STOX2: variants seen among roughly 807,000 people sequenced by gnomAD.
The protein encoded by STOX2 is storkhead box 2.
A neutral mutation model predicts 60.9 loss-of-function variants in STOX2; 28 were observed. The observed-to-expected ratio is 0.46, with a 90% CI of 0.34 to 0.63. The LOEUF (loss-of-function observed/expected upper bound fraction) is 0.63, where lower values mean the gene tolerates loss of function less well. STOX2 is among the 30% of genes least tolerant of loss of function. The pLI is 0.01. For synonymous variants in STOX2, 472 were observed against 463.9 expected, an observed-to-expected ratio of 1.02 and a Z score of -0.22; for missense variants, 1,024 against 1,187.7, an observed-to-expected ratio of 0.86 and a Z score of 2.03.
intron 1 of STOX2, among the ~76,000 whole-genome samples, chr4:184,000,587 C>G (rs889930709): frequency 6.6e-6 from 1 of 152,166 alleles, no homozygotes; most frequent in African/African-American, 2.4e-5. Context: ...TGTCCCCCTT[C>G]GCTTCTGTGC....
chr4:183,903,093 G>A (rs987261534), upstream of STOX2, among the ~76,000 whole-genome samples: 2 of 152,164 alleles, frequency 1.3e-5, no homozygotes, highest in African/African-American at 4.8e-5. Flanking sequence ...CTCTTCTTCT[G>A]TAAAGAAATT....
At position 183,803,415 on chromosome 4, in the gene STOX2, G is replaced by T. The variant is rs115960874; in HGVS notation, c.364+5360G>T. On this transcript the variant is annotated intron_variant, in intron 1 of 2. Transcript: ENST00000513034. ...AAAAATGTACACTCCACAGACATTTGTATACTCAAAAGAAGTTACAGTTCA... is the reference window on the plus strand; with the variant it reads ...AAAAATGTACACTCCACAGACATTTTTATACTCAAAAGAAGTTACAGTTCA... Among the ~76,000 whole-genome samples the T allele has an allele frequency of 4.7e-3, 719 of 152,254 alleles. 7 individuals carry two copies. The highest frequency in any genetic ancestry group is 0.016 in the African/African-American group (677 of 41,548).
chr4:183,880,057 C>T (rs1318782848), intron 1 of STOX2, among the ~76,000 whole-genome samples: 1 of 152,152 alleles, frequency 6.6e-6, no homozygotes, highest in Non-Finnish European at 1.5e-5. Flanking sequence ...TGGCTCACTG[C>T]AACCTCCGCT....
chr4:184,015,859 T>G (rs185984482), intron 3 of STOX2: 1 of 152,348 alleles, frequency 6.6e-6, no homozygotes, highest in African/African-American at 2.4e-5. Context: ...GCTGATACAT[T>G]TCTTGTAGCC....
intron 1 of STOX2, among the ~76,000 whole-genome samples, chr4:183,815,012 T>TA (rs1427985219): frequency 1.3e-5 from 2 of 152,144 alleles, no homozygotes; most frequent in African/African-American, 4.8e-5. Context: ...TATTTTATTT[T>TA]TTTTCAAGAC....
Position 183,906,854 on chromosome 4 carries a change from G to C in STOX2, c.64G>C (p.Ala22Pro), listed in dbSNP as rs1201691904. The change falls in exon 1 of 4, where the codon GCC becomes CCC. Residue 22 changes from alanine to proline, a missense_variant. Physicochemically the swap from Ala to Pro is conservative, Grantham distance 27. Around this residue, in one of 3 missense-constraint regions of STOX2, gnomAD observed 98 missense variants for 110.2 expected, o/e 0.89. Coordinates refer to ENST00000308497, the MANE Select transcript of STOX2 (RefSeq NM_020225.3). ...AWPSSDFSDR[A>P]SDRMRSRSEK... is the part of the protein sequence containing the mutation. ...GCCTAGCTCGGATTTCTCGGACCGG[G>C]CCTCGGACCGCATGAGGTCCCGCAG... 1.3e-6 allele frequency: 2 copies of C among 1,552,818 alleles called. No homozygotes were observed. Among genetic ancestry groups the C allele is most frequent in the East Asian group, 4.9e-5 (2 of 40,800 alleles).
At chr4:183,892,423 C>T (rs1234003498) in intron 1 of STOX2, among the ~76,000 whole-genome samples, 2 of 152,048 alleles carry the variant, frequency 1.3e-5, no homozygotes, top group Non-Finnish European at 2.9e-5. Context: ...GGACTATGGG[C>T]GCCCGCCACC....
At chr4:183,814,023 C>T (rs1002344201) in intron 1 of STOX2, among the ~76,000 whole-genome samples, 1 of 152,086 alleles carries the variant, frequency 6.6e-6, no homozygotes, top group Non-Finnish European at 1.5e-5. Flanking sequence ...GTAATATTGT[C>T]TTAGAGATAG....
intron 1 of STOX2, among the ~76,000 whole-genome samples, chr4:183,930,741 C>T (rs1416801203): frequency 2.0e-5 from 3 of 152,162 alleles, no homozygotes; most frequent in Non-Finnish European, 4.4e-5. Context: ...ATTTCTTTCC[C>T]TCTGTTTTGG....
chr4:183,858,509 G>T (rs1227094499), intron 1 of STOX2, among the ~76,000 whole-genome samples: 1 of 152,088 alleles, frequency 6.6e-6, no homozygotes, highest in African/African-American at 2.4e-5. Flanking sequence ...TTATAGATGG[G>T]GTATTTACTT....
chr4:183,971,458 C>T (rs1347284432), intron 1 of STOX2, among the ~76,000 whole-genome samples: 1 of 152,180 alleles, frequency 6.6e-6, no homozygotes, highest in East Asian at 1.9e-4. Flanking sequence ...CTCATTAGTA[C>T]CTCTGGCCAG....
intron 1 of STOX2, among the ~76,000 whole-genome samples, chr4:183,881,370 G>GGC (rs1740955402): frequency 6.6e-6 from 1 of 152,146 alleles, no homozygotes; most frequent in Non-Finnish European, 1.5e-5. Flanking sequence ...TAGGTGTGGT[G>GGC]GTGCGCCTGT....
Position 184,021,974 on chromosome 4 carries a change from G to C in STOX2, c.*4690G>C, listed in dbSNP as rs1386264570. 2.6e-5 allele frequency: 4 copies of C among 152,312 alleles called. No homozygotes were observed. In the East Asian group the frequency reaches 7.7e-4, roughly 29 times the overall value. 9.4% of individuals were successfully genotyped at this position (152,312 alleles called of 1,614,324 possible). A position where few individuals can be genotyped will look rare whatever the true frequency, so the allele number is the denominator to read the frequency against. ...TCCCGCCCATTGTCAACGTCATCCA[G>C]GGCTCTTCTGGTAGTGAGTGACTTT... On this transcript the variant is annotated 3_prime_UTR_variant, in exon 4 of 4. Coordinates refer to ENST00000308497, the MANE Select transcript of STOX2 (RefSeq NM_020225.3).
intron 1 of STOX2, among the ~76,000 whole-genome samples, chr4:183,813,106 G>A (rs374333390): frequency 5.3e-5 from 8 of 152,332 alleles, no homozygotes; most frequent in African/African-American, 1.9e-4. Flanking sequence ...AATACAGGCA[G>A]GGCATGGTGG....
chr4:183,977,363 C>T (rs548464154), intron 1 of STOX2, among the ~76,000 whole-genome samples: 1 of 152,096 alleles, frequency 6.6e-6, no homozygotes, highest in African/African-American at 2.4e-5. Context: ...TGAAGGAGTT[C>T]TTTGGGGTGA....
At chr4:183,991,103 A>G (rs1229584561) in intron 1 of STOX2, among the ~76,000 whole-genome samples, 3 of 152,104 alleles carry the variant, frequency 2.0e-5, no homozygotes, top group East Asian at 3.9e-4. Context: ...AAATAGGTCA[A>G]CATCCTTTGA....
At chr4:183,897,298 T>A (rs1420688648) in intron 1 of STOX2, among the ~76,000 whole-genome samples, 2 of 152,204 alleles carry the variant, frequency 1.3e-5, no homozygotes, top group Admixed American at 1.3e-4. Flanking sequence ...AAACATTAGG[T>A]CTTTCTAGAG....
At chr4:183,837,212 T>C (rs1327721943) in intron 1 of STOX2, among the ~76,000 whole-genome samples, 1 of 152,208 alleles carries the variant, frequency 6.6e-6, no homozygotes, top group Non-Finnish European at 1.5e-5. Context: ...TACATAACCC[T>C]TCATATAGAT....
chr4:183,934,980 C>T (rs955634885), intron 1 of STOX2, among the ~76,000 whole-genome samples: 2 of 152,164 alleles, frequency 1.3e-5, no homozygotes, highest in African/African-American at 4.8e-5. Flanking sequence ...TTGCCATTGG[C>T]GACACAATTT....
Sources: allele counts gnomAD v4.1 joint callset (sites outside exome capture counted in the v4.1 genomes callset), GRCh38; gene constraint gnomAD v4.1.1; regional missense constraint gnomAD v4.1.1; transcripts MANE v1.5; gene names NCBI Gene and HGNC (gene_info 2026-07-23, HGNC 2026-07-21).